The following RHOU variants were observed in gnomAD, a reference collection of about 807,000 sequenced individuals.
RHOU encodes the protein rho-related GTP-binding protein RhoU.
A neutral mutation model predicts 12.6 loss-of-function variants in RHOU; 8 were observed. The observed-to-expected ratio is 0.64, with a 90% CI of 0.37 to 1.15. RHOU has a LOEUF of 1.15. RHOU is among the 50% of genes most tolerant of loss of function. RHOU has a pLI of 0.01. For synonymous variants in RHOU, 161 were observed against 147.4 expected, an observed-to-expected ratio of 1.09 and a Z score of -0.67; for missense variants, 258 against 347.0, an observed-to-expected ratio of 0.74 and a Z score of 2.04.
the RHOU span, chr1:228,650,450 G>A: frequency 1.8e-5 from 8 of 456,544 alleles, no homozygotes; most frequent in East Asian, 6.9e-5. Flanking sequence ...CAGATGCCTC[G>A]GAGCACGCTG....
the RHOU span, among the ~76,000 whole-genome samples, chr1:228,672,251 T>A: frequency 6.6e-6 from 1 of 152,208 alleles, no homozygotes; most frequent in South Asian, 2.1e-4. Flanking sequence ...CACTGCAACC[T>A]CTGCCTCCCG....
the RHOU span, among the ~76,000 whole-genome samples, chr1:228,678,678 T>C: frequency 6.6e-6 from 1 of 152,180 alleles, no homozygotes; most frequent in African/African-American, 2.4e-5. Context: ...TAAATATTGA[T>C]ACGTAGTCCT....
At chr1:228,697,222 C>G in the RHOU span, among the ~76,000 whole-genome samples, 4 of 152,184 alleles carry the variant, frequency 2.6e-5, no homozygotes, top group Non-Finnish European at 5.9e-5. Context: ...TGTGTCAAAA[C>G]TTTCATATTT....
At chr1:228,681,203 A>G in the RHOU span, among the ~76,000 whole-genome samples, 1 of 152,174 alleles carries the variant, frequency 6.6e-6, no homozygotes, top group Non-Finnish European at 1.5e-5. Context: ...CTATGCCTTC[A>G]GCTCCAGCCA....
At chr1:228,650,553 GGTT>G in the RHOU span, 1 of 456,980 alleles carries the variant, frequency 2.2e-6, no homozygotes, top group South Asian at 1.5e-5. Flanking sequence ...GTGCCCGGCG[GGTT>G]GTCCTCACCT....
At chr1:228,732,067 C>T (rs942233512), upstream of RHOU, among the ~76,000 whole-genome samples, 1 of 152,160 alleles carries the variant, frequency 6.6e-6, no homozygotes, top group African/African-American at 2.4e-5. Flanking sequence ...ATACAACTGT[C>T]CATGTTTTGA....
the RHOU span, among the ~76,000 whole-genome samples, chr1:228,666,074 G>A: frequency 7.3e-5 from 11 of 151,624 alleles, no homozygotes; most frequent in Middle Eastern, 3.2e-3. Flanking sequence ...CCCCCCACCT[G>A]AGCCTCCCAA....
At position 228,746,075 on chromosome 1, in the gene RHOU, G is replaced by C. The variant is rs1662829253; in HGVS notation, c.*2335G>C. 6.6e-6 allele frequency: 1 copy of C among 152,202 alleles called. No homozygotes were observed. The highest frequency in any genetic ancestry group is 2.1e-4 in the South Asian group (1 of 4,830). The allele number at this position is 152,202 out of a possible 1,614,324, so 9.4% of individuals were successfully genotyped here. A position where few individuals can be genotyped will look rare whatever the true frequency, so the allele number is the denominator to read the frequency against. On this transcript the variant is annotated 3_prime_UTR_variant, in exon 3 of 3. Coordinates refer to ENST00000366691, the MANE Select transcript of RHOU (RefSeq NM_021205.6). Reference sequence around the variant, plus strand: ...AGTGGGGTTGATAACACCTTGGACTGTTAGTGTTAAAAATCTAGTGGGTTG... The same window carrying C: ...AGTGGGGTTGATAACACCTTGGACTCTTAGTGTTAAAAATCTAGTGGGTTG...
chr1:228,736,491 A>T (rs1662615229), intron 1 of RHOU, among the ~76,000 whole-genome samples: 1 of 152,052 alleles, frequency 6.6e-6, no homozygotes, highest in South Asian at 2.1e-4. Flanking sequence ...CTCCGCTTTA[A>T]AGAGCCGCGG....
the RHOU span, among the ~76,000 whole-genome samples, chr1:228,670,163 T>A: frequency 2.0e-5 from 3 of 152,138 alleles, no homozygotes; most frequent in Non-Finnish European, 4.4e-5. Flanking sequence ...TGGGGCTGAT[T>A]TAGATGGGGT....
the RHOU span, among the ~76,000 whole-genome samples, chr1:228,653,693 C>T: frequency 6.6e-6 from 1 of 152,130 alleles, no homozygotes; most frequent in Non-Finnish European, 1.5e-5. Context: ...TGGCCTCAAG[C>T]AATCCTCCCA....
upstream of RHOU, among the ~76,000 whole-genome samples, chr1:228,731,079 T>A (rs1662486558): frequency 6.6e-6 from 1 of 152,194 alleles, no homozygotes; most frequent in African/African-American, 2.4e-5. Flanking sequence ...ACAGTTAAAA[T>A]AACTTGATGG....
chr1:228,658,750 CCA>C, the RHOU span, among the ~76,000 whole-genome samples: 2 of 152,130 alleles, frequency 1.3e-5, no homozygotes, highest in Admixed American at 6.5e-5. Flanking sequence ...AGGCCAAAAT[CCA>C]CACAGAGTCA....
the RHOU span, chr1:228,651,217 G>A: frequency 9.5e-6 from 2 of 210,418 alleles, no homozygotes; most frequent in South Asian, 1.0e-4. Context: ...CCTACCAGGG[G>A]GAGGCAGCAG....
At chr1:228,677,641 C>T in the RHOU span, among the ~76,000 whole-genome samples, 6 of 151,996 alleles carry the variant, frequency 3.9e-5, no homozygotes, top group South Asian at 2.1e-4. Flanking sequence ...GAGATAGCTG[C>T]GGAGAGGTAG....
At chr1:228,734,853 T>C (rs1055189725), upstream of RHOU, among the ~76,000 whole-genome samples, 1 of 152,148 alleles carries the variant, frequency 6.6e-6, no homozygotes, top group African/African-American at 2.4e-5. Context: ...TATAAAAAAA[T>C]TTCTGGAGCA....
At chr1:228,720,162 T>C in the RHOU span, among the ~76,000 whole-genome samples, 1 of 152,058 alleles carries the variant, frequency 6.6e-6, no homozygotes, top group South Asian at 2.1e-4. Context: ...ACCCCGTCTC[T>C]ACAGAAAATT....
At chr1:228,691,589 T>G in the RHOU span, among the ~76,000 whole-genome samples, 1 of 152,220 alleles carries the variant, frequency 6.6e-6, no homozygotes, top group Non-Finnish European at 1.5e-5. Flanking sequence ...ATAGCTTATT[T>G]CCTTTTAGTG....
chr1:228,659,170 G>C, the RHOU span, among the ~76,000 whole-genome samples: 1 of 152,166 alleles, frequency 6.6e-6, no homozygotes, highest in Non-Finnish European at 1.5e-5. Flanking sequence ...CCTGAGGTCA[G>C]GAGTTCCAGA....
Sources: gnomAD v4.1 joint callset for allele counts (sites outside exome capture counted in the v4.1 genomes callset) on GRCh38, gnomAD v4.1.1 for gene constraint, MANE v1.5 for transcripts, NCBI Gene and HGNC (gene_info 2026-07-23, HGNC 2026-07-21) for gene names.